ARHGEF3: variants seen among roughly 807,000 people sequenced by gnomAD.
ARHGEF3 encodes Rho guanine nucleotide exchange factor 3.
In ARHGEF3, 28 loss-of-function variants were observed where a neutral mutation model predicts 63.2. That is an observed-to-expected ratio of 0.44 (90% CI 0.33 to 0.61). The LOEUF (loss-of-function observed/expected upper bound fraction) is 0.61, where lower values mean the gene tolerates loss of function less well. ARHGEF3 is among the 20% of genes least tolerant of loss of function. ARHGEF3 has a pLI of 0.03. For synonymous variants in ARHGEF3, 266 were observed against 254.2 expected, an observed-to-expected ratio of 1.05 and a Z score of -0.44; for missense variants, 533 against 659.3, an observed-to-expected ratio of 0.81 and a Z score of 2.10.
chr3:56,967,601 T>G (rs1399620790), intron 2 of ARHGEF3, among the ~76,000 whole-genome samples: 1 of 88,692 alleles, frequency 1.1e-5, no homozygotes, highest in Non-Finnish European at 1.9e-5. Context: ...TAATTATATA[T>G]TATATATGTT....
intron 3 of ARHGEF3, among the ~76,000 whole-genome samples, chr3:56,883,295 T>C (rs9823900): frequency 0.05 from 7,564 of 151,986 alleles, 637 homozygotes; most frequent in African/African-American, 0.17. Flanking sequence ...TGAAAAAGTA[T>C]GTTTTTCTTT....
intron 4 of ARHGEF3, among the ~76,000 whole-genome samples, chr3:56,870,730 T>A (rs186607534): frequency 6.6e-6 from 1 of 152,148 alleles, no homozygotes; most frequent in East Asian, 1.9e-4. Context: ...CTTGGGGGCA[T>A]ATGGGAATGC....
At chr3:57,002,204 C>A (rs1702224353) in intron 2 of ARHGEF3, among the ~76,000 whole-genome samples, 1 of 151,132 alleles carries the variant, frequency 6.6e-6, no homozygotes, top group Non-Finnish European at 1.5e-5. Flanking sequence ...AGCCACCGGG[C>A]CCGGCTGACA....
intron 3 of ARHGEF3, among the ~76,000 whole-genome samples, chr3:56,883,196 T>C (rs903109559): frequency 4.6e-5 from 7 of 152,234 alleles, no homozygotes; most frequent in African/African-American, 1.7e-4. Context: ...AGCCATATGA[T>C]TTTTAAAAAG....
chr3:57,011,058 G>T (rs900786497), intron 2 of ARHGEF3, among the ~76,000 whole-genome samples: 4 of 152,200 alleles, frequency 2.6e-5, no homozygotes, highest in African/African-American at 9.7e-5. Flanking sequence ...GCTCCCGCCC[G>T]CTTCCATAGT....
intron 3 of ARHGEF3, among the ~76,000 whole-genome samples, chr3:56,956,562 G>T (rs1560082315): frequency 2.0e-5 from 3 of 152,202 alleles, no homozygotes; most frequent in Admixed American, 6.5e-5. Context: ...AGGGAAAACA[G>T]TTGAAGAGGT....
At chr3:56,736,588 C>A (rs1412206853) in intron 8 of ARHGEF3, among the ~76,000 whole-genome samples, 1 of 152,198 alleles carries the variant, frequency 6.6e-6, no homozygotes, top group Non-Finnish European at 1.5e-5. Flanking sequence ...CCTTTATTTT[C>A]TGAAATCAAA....
intron 3 of ARHGEF3, among the ~76,000 whole-genome samples, chr3:56,926,699 C>T (rs1488963769): frequency 2.0e-5 from 3 of 152,174 alleles, no homozygotes; most frequent in Non-Finnish European, 4.4e-5. Context: ...AAGGAATTCC[C>T]CAGCTACTTG....
At chr3:56,884,435 A>G (rs1346622404) in intron 3 of ARHGEF3, among the ~76,000 whole-genome samples, 1 of 152,210 alleles carries the variant, frequency 6.6e-6, no homozygotes, top group African/African-American at 2.4e-5. Flanking sequence ...TAAAATTCCA[A>G]AGGTCAATAT....
intron 3 of ARHGEF3, among the ~76,000 whole-genome samples, chr3:56,950,745 G>C (rs1186676798): frequency 6.6e-6 from 1 of 151,976 alleles, no homozygotes; most frequent in African/African-American, 2.4e-5. Context: ...TCTAGAACTA[G>C]AAATACCATT....
chr3:56,893,957 C>G (rs2041212828), intron 3 of ARHGEF3, among the ~76,000 whole-genome samples: 1 of 151,030 alleles, frequency 6.6e-6, no homozygotes, highest in South Asian at 2.1e-4. Context: ...GTTTAAATGA[C>G]TTGACTAAGG....
chr3:57,007,125 A>G, intron 2 of ARHGEF3: 1 of 1,207,746 alleles, frequency 8.3e-7, no homozygotes, highest in Non-Finnish European at 1.1e-6. Flanking sequence ...TTACTTGTGC[A>G]CTTTTGTTTT....
chr3:56,829,999 A>G (rs2038872046), intron 4 of ARHGEF3, among the ~76,000 whole-genome samples: 4 of 152,244 alleles, frequency 2.6e-5, no homozygotes, highest in African/African-American at 9.6e-5. Flanking sequence ...ACAATGTCCT[A>G]TAAGGAAAAT....
chr3:57,064,454 C>A (rs1030722053), intron 1 of ARHGEF3, among the ~76,000 whole-genome samples: 1 of 152,032 alleles, frequency 6.6e-6, no homozygotes, highest in Non-Finnish European at 1.5e-5. Flanking sequence ...CCCCAAGTAG[C>A]TGAGATTACA....
intron 1 of ARHGEF3, among the ~76,000 whole-genome samples, chr3:56,785,840 G>A (rs1321129317): frequency 6.6e-6 from 1 of 152,154 alleles, no homozygotes. Context: ...CTGGTTGCTG[G>A]GTAAAAACTA....
chr3:56,970,930 AC>A (rs1435246928), intron 2 of ARHGEF3, among the ~76,000 whole-genome samples: 1 of 151,510 alleles, frequency 6.6e-6, no homozygotes, highest in South Asian at 2.1e-4. Context: ...TACTAACAAG[AC>A]CCCCCTCTCA....
At chr3:56,761,903 T>C (rs1412378019) in intron 2 of ARHGEF3, among the ~76,000 whole-genome samples, 1 of 152,210 alleles carries the variant, frequency 6.6e-6, no homozygotes, top group Non-Finnish European at 1.5e-5. Flanking sequence ...ATAAGATTCA[T>C]AGTGTAGCGG....
At chr3:57,023,486 T>C (rs1171101343) in intron 2 of ARHGEF3, among the ~76,000 whole-genome samples, 1 of 152,228 alleles carries the variant, frequency 6.6e-6, no homozygotes, top group East Asian at 1.9e-4. Context: ...TTTCTCAAAA[T>C]GCAGATTTAA....
At chr3:57,028,816 C>A (rs1019057580) in intron 2 of ARHGEF3, among the ~76,000 whole-genome samples, 1 of 151,976 alleles carries the variant, frequency 6.6e-6, no homozygotes, top group Non-Finnish European at 1.5e-5. Context: ...ATATAAAAAG[C>A]CCCTCAGGAG....
Sources: allele counts gnomAD v4.1 joint callset (sites outside exome capture counted in the v4.1 genomes callset), GRCh38; gene constraint gnomAD v4.1.1; transcripts MANE v1.5; gene names NCBI Gene and HGNC (gene_info 2026-07-23, HGNC 2026-07-21).